The following JADE3 variants were observed in gnomAD, a reference collection of about 807,000 sequenced individuals.
JADE3 encodes the protein jade family PHD finger 3.
JADE3 carries 2 observed loss-of-function variants against 50.1 expected under a neutral mutation model. That is an observed-to-expected ratio of 0.04 (90% CI 0.02 to 0.13). The LOEUF is 0.13. Ranked by LOEUF, JADE3 falls within the 10% of genes least tolerant of loss-of-function variation. The pLI, the probability that JADE3 is intolerant of heterozygous loss-of-function variation, is 1.00. For missense variants in JADE3, 475 were observed against 634.4 expected (o/e 0.75, Z 2.70); for synonymous variants, 218 against 232.9 (o/e 0.94, Z 0.58).
chrX:46,980,364 G>A (rs782735177), intron 1 of JADE3, among the ~76,000 whole-genome samples: 2 of 111,117 alleles, frequency 1.8e-5, no homozygotes, highest in Non-Finnish European at 3.8e-5. Flanking sequence ...ATTCCCACCA[G>A]CAATGTATGA....
intron 1 of JADE3, among the ~76,000 whole-genome samples, chrX:46,977,251 T>A (rs1234980113): frequency 2.7e-5 from 3 of 111,395 alleles, no homozygotes; most frequent in Non-Finnish European, 3.8e-5. Flanking sequence ...TTCCAGCTAC[T>A]CAGGGGCTGA....
intron 1 of JADE3, among the ~76,000 whole-genome samples, chrX:46,959,969 C>T (rs1248638667): frequency 9.0e-6 from 1 of 111,563 alleles, no homozygotes; most frequent in Non-Finnish European, 1.9e-5. Context: ...AGCTTAGTCT[C>T]ATTAATTTAC....
intron 1 of JADE3, among the ~76,000 whole-genome samples, chrX:46,943,907 G>A (rs987188741): frequency 9.0e-6 from 1 of 111,176 alleles, no homozygotes; most frequent in African/African-American, 3.3e-5. Flanking sequence ...TCTGTTTAGG[G>A]TTTAAATTTC....
At chrX:46,993,169 C>A (rs1303594948) in intron 3 of JADE3, among the ~76,000 whole-genome samples, 1 of 111,876 alleles carries the variant, frequency 8.9e-6, no homozygotes, top group Non-Finnish European at 1.9e-5. Flanking sequence ...GTGTGTAAAA[C>A]ATATCAACCT....
intron 4 of JADE3, among the ~76,000 whole-genome samples, chrX:47,009,358 T>A (rs192059648): frequency 5.4e-5 from 6 of 110,904 alleles, no homozygotes; most frequent in Admixed American, 2.9e-4. Flanking sequence ...AGTGGCTACA[T>A]GAAGACACAA....
At chrX:47,043,271 A>G (rs1296608461) in intron 8 of JADE3, among the ~76,000 whole-genome samples, 7 of 112,130 alleles carry the variant, frequency 6.2e-5, no homozygotes, top group Non-Finnish European at 1.3e-4. Context: ...CCCAGACTGC[A>G]AAGACTACAA....
intron 1 of JADE3, among the ~76,000 whole-genome samples, chrX:46,957,213 T>TTAGATAGATAGATAGATAGATAGA (rs61650300): frequency 2.0e-5 from 2 of 98,548 alleles, no homozygotes; most frequent in African/African-American, 3.8e-5. Flanking sequence ...TTCAGATAGA[T>TTAGATAGATAGATAGATAGATAGA]TAGATAGATA....
chrX:46,930,191 T>A (rs1926460478), intron 1 of JADE3, among the ~76,000 whole-genome samples: 1 of 111,790 alleles, frequency 8.9e-6, no homozygotes, highest in Non-Finnish European at 1.9e-5. Context: ...TCTTTCTTAC[T>A]CTCCATTCTG....
At chrX:46,955,402 A>G (rs1556346117) in intron 1 of JADE3, among the ~76,000 whole-genome samples, 1 of 111,990 alleles carries the variant, frequency 8.9e-6, no homozygotes, top group East Asian at 2.8e-4. Flanking sequence ...TCTCCAAATA[A>G]TACTGATTTA....
In JADE3 at chrX:47,058,590, A is replaced by G. The variant is rs1385653234; in HGVS notation, c.1985A>G (p.Lys662Arg). 1 of 1,211,055 alleles carries G rather than the reference A, an allele frequency of 8.3e-7. No homozygotes were observed. Among genetic ancestry groups the G allele is most frequent in the Non-Finnish European group, 1.1e-6 (1 of 895,219 alleles). The change falls in exon 11 of 11, where the codon AAG becomes AGG. Residue 662 changes from lysine (K) to arginine (R), a missense_variant. Physicochemically the swap from Lys to Arg is conservative, Grantham distance 26. Around this residue, in one of 6 missense-constraint regions of JADE3, gnomAD observed 243 missense variants for 238.2 expected, o/e 1.02. Transcript: ENST00000614628. ...AATGGGAAAAGTCAGCCTAACTCCA[A>G]GTTTGCCAAATCCAATGGCCTGGAG... is the stretch of plus-strand genomic sequence containing the variant. Reference protein sequence around the residue: ...IGNGKSQPNSKFAKSNGLEGS... With the variant: ...IGNGKSQPNSRFAKSNGLEGS...
intron 1 of JADE3, among the ~76,000 whole-genome samples, chrX:46,946,177 T>G (rs1004567957): frequency 2.7e-5 from 3 of 111,822 alleles, no homozygotes; most frequent in Non-Finnish European, 5.6e-5. Context: ...ATATAAAGAC[T>G]TTCTTGCTAT....
intron 8 of JADE3, among the ~76,000 whole-genome samples, chrX:47,042,740 A>G (rs1190625333): frequency 1.5e-4 from 17 of 111,476 alleles, no homozygotes; most frequent in Admixed American, 5.7e-4. Context: ...TGGGTCCCAG[A>G]TAGTATCTCT....
intron 6 of JADE3, among the ~76,000 whole-genome samples, chrX:47,028,386 C>T (rs1187948838): frequency 9.1e-6 from 1 of 109,868 alleles, no homozygotes; most frequent in East Asian, 2.9e-4. Flanking sequence ...AGGCCCCTGC[C>T]CCAGGGGGAT....
rs2147134625 is a variant in JADE3, at chrX:46,992,523, C to T, written c.127-5597C>T. 1.8e-5 allele frequency among the ~76,000 whole-genome samples: 2 copies of T among 111,518 alleles called. 1 individual carries two copies. The highest frequency in any genetic ancestry group is 7.7e-4 in the South Asian group (2 of 2,613). On this transcript the variant is annotated intron_variant, in intron 3 of 10. Transcript: ENST00000614628. ...TCTGCCCTGTGTCTCCCTGCAGGCA[C>T]CTGTCTCTCTGAATTGGGTATTTGT...
rs782695033 is a variant in JADE3, at chrX:47,058,482, C to T, written c.1877C>T (p.Pro626Leu). The T allele has an allele frequency of 9.9e-6, 12 of 1,211,177 alleles. No individual in the cohort carries two copies. The highest frequency in any genetic ancestry group is 2.3e-4 in the Middle Eastern group (1 of 4,350). ...GAGTCCAGTCCTGCTTGGAGAACCCCGTCCTCGGAGTGCTATCATGGGCAG... is the reference window on the plus strand; with the variant it reads ...GAGTCCAGTCCTGCTTGGAGAACCCTGTCCTCGGAGTGCTATCATGGGCAG... ...AKESSPAWRT[P>L]SSECYHGQSL... The change falls in exon 11 of 11, where the codon CCG becomes CTG. Residue 626 changes from proline to leucine, a missense_variant. Around this residue, in one of 6 missense-constraint regions of JADE3, gnomAD observed 243 missense variants for 238.2 expected, o/e 1.02. Coordinates refer to ENST00000614628, the MANE Select transcript of JADE3 (RefSeq NM_014735.5).
At chrX:46,925,871 TGA>T (rs1325980341) in intron 1 of JADE3, among the ~76,000 whole-genome samples, 1 of 106,477 alleles carries the variant, frequency 9.4e-6, no homozygotes, top group Non-Finnish European at 1.9e-5. Flanking sequence ...TTTTCTTTTT[TGA>T]GAGTCAGGGT....
At chrX:47,052,659 A>T (rs1929540481) in intron 8 of JADE3, among the ~76,000 whole-genome samples, 1 of 102,921 alleles carries the variant, frequency 9.7e-6, no homozygotes, top group African/African-American at 3.7e-5. Context: ...AAAAAAAAAA[A>T]CTTTCCACAG....
chrX:47,012,389 C>T (rs781797590), intron 4 of JADE3, among the ~76,000 whole-genome samples: 3 of 110,501 alleles, frequency 2.7e-5, no homozygotes, highest in Non-Finnish European at 3.8e-5. Flanking sequence ...CAAGGCCATA[C>T]TAGGCAACAT....
At chrX:47,000,068 G>T (rs1928243908) in intron 4 of JADE3, among the ~76,000 whole-genome samples, 1 of 110,656 alleles carries the variant, frequency 9.0e-6, no homozygotes, top group Non-Finnish European at 1.9e-5. Flanking sequence ...AATGCTTGTT[G>T]GAATCATTTC....
Sources: gnomAD v4.1 joint callset for allele counts (sites outside exome capture counted in the v4.1 genomes callset) on GRCh38, gnomAD v4.1.1 for gene constraint, gnomAD v4.1.1 regional missense constraint, MANE v1.5 for transcripts, NCBI Gene and HGNC (gene_info 2026-07-23, HGNC 2026-07-21) for gene names.